SATB2: variants seen among roughly 807,000 people sequenced by gnomAD.
SATB2 encodes the protein DNA-binding protein SATB2.
A neutral mutation model predicts 73.4 loss-of-function variants in SATB2; 1 was observed. The observed-to-expected ratio is 0.01, with a 90% confidence interval of 0.00 to 0.06. SATB2 has a LOEUF of 0.06. Ranked by LOEUF, SATB2 falls within the 10% of genes least tolerant of loss-of-function variation. The pLI, the probability that SATB2 is intolerant of heterozygous loss-of-function variation, is 1.00. For synonymous variants in SATB2, 397 were observed against 367.0 expected, an observed-to-expected ratio of 1.08 and a Z score of -0.93; for missense variants, 459 against 945.8, an observed-to-expected ratio of 0.49 and a Z score of 6.75.
At chr2:199,303,010 C>T (rs1687330480) in intron 10 of SATB2, among the ~76,000 whole-genome samples, 1 of 152,168 alleles carries the variant, frequency 6.6e-6, no homozygotes, top group East Asian at 1.9e-4. Context: ...ACTCCCAGAA[C>T]TAGATCTGCT....
intron 10 of SATB2, among the ~76,000 whole-genome samples, chr2:199,303,850 TG>T (rs1474241368): frequency 1.3e-5 from 2 of 152,168 alleles, no homozygotes; most frequent in Non-Finnish European, 2.9e-5. Context: ...TCTTATTCAA[TG>T]TACGGCATGG....
At position 199,283,139 on chromosome 2, in the gene SATB2, A is replaced by G. The variant is rs1196026863; in HGVS notation, c.1741-10467T>C. Among the ~76,000 whole-genome samples, 6 of 149,738 alleles carry G rather than the reference A, an allele frequency of 4.0e-5. No homozygotes were observed. The East Asian group carries it at 1.2e-3, about 30-fold the overall frequency. On this transcript the variant is annotated intron_variant, in intron 10 of 10. Transcript: ENST00000417098. ...CACTCTGTCGCCCAGGCTGGAGTGC[A>G]ATGGTGCGATCTCGGCTCACTGCAA...
At chr2:199,312,146 T>C (rs954406929) in intron 9 of SATB2, among the ~76,000 whole-genome samples, 1 of 152,176 alleles carries the variant, frequency 6.6e-6, no homozygotes, top group African/African-American at 2.4e-5. Context: ...AACTCATGAA[T>C]TATTAATAAA....
intron 7 of SATB2, among the ~76,000 whole-genome samples, chr2:199,343,264 T>C (rs1295506247): frequency 6.6e-6 from 1 of 151,914 alleles, no homozygotes; most frequent in African/African-American, 2.4e-5. Flanking sequence ...GAACACAAAA[T>C]ATAAGGTGAC....
At chr2:199,391,583 T>TG (rs1336839266) in intron 3 of SATB2, among the ~76,000 whole-genome samples, 1 of 152,216 alleles carries the variant, frequency 6.6e-6, no homozygotes, top group African/African-American at 2.4e-5. Context: ...AAAGATATTC[T>TG]GACAGTTCCT....
intron 7 of SATB2, chr2:199,347,596 C>T (rs1275421884): frequency 6.6e-6 from 1 of 152,158 alleles, no homozygotes; most frequent in Non-Finnish European, 1.5e-5. Flanking sequence ...TAGCTTCCTG[C>T]CTTGCATTTA....
At chr2:199,410,419 A>G (rs1204359465) in intron 3 of SATB2, among the ~76,000 whole-genome samples, 1 of 152,194 alleles carries the variant, frequency 6.6e-6, no homozygotes, top group Admixed American at 6.5e-5. Context: ...AGTTAAACTG[A>G]TATTACTGAT....
chr2:199,388,847 G>C (rs902550661), intron 3 of SATB2, among the ~76,000 whole-genome samples: 3 of 152,032 alleles, frequency 2.0e-5, no homozygotes, highest in Non-Finnish European at 4.4e-5. Flanking sequence ...CTGCTGATGA[G>C]GCTCCTTGTA....
At chr2:199,391,453 C>T (rs908765824) in intron 3 of SATB2, among the ~76,000 whole-genome samples, 1 of 125,642 alleles carries the variant, frequency 8.0e-6, no homozygotes, top group Non-Finnish European at 1.7e-5. Flanking sequence ...AAAAAAAAAA[C>T]AAAAAACAAA....
intron 7 of SATB2, among the ~76,000 whole-genome samples, chr2:199,344,255 AAC>A (rs146892920): frequency 6.7e-5 from 10 of 150,288 alleles, no homozygotes; most frequent in East Asian, 1.9e-4. Context: ...ACACACACAC[AAC>A]ACACACACAC....
intron 5 of SATB2, among the ~76,000 whole-genome samples, chr2:199,377,416 G>C (rs1472279768): frequency 6.6e-6 from 1 of 151,906 alleles, no homozygotes; most frequent in African/African-American, 2.4e-5. Flanking sequence ...CAACAAAACA[G>C]GTATATGGAC....
At chr2:199,338,638 C>T (rs1167180162) in intron 7 of SATB2, among the ~76,000 whole-genome samples, 2 of 152,088 alleles carry the variant, frequency 1.3e-5, no homozygotes, top group African/African-American at 2.4e-5. Context: ...AAAAGATAGG[C>T]TGGGAGTGAT....
intron 9 of SATB2, among the ~76,000 whole-genome samples, chr2:199,311,908 C>T (rs1687606621): frequency 6.6e-6 from 1 of 152,124 alleles, no homozygotes; most frequent in Admixed American, 6.5e-5. Flanking sequence ...GAAAGTGCCA[C>T]GCAGTTGCAT....
chr2:199,331,996 C>T (rs1688203653), intron 7 of SATB2, among the ~76,000 whole-genome samples: 1 of 151,980 alleles, frequency 6.6e-6, no homozygotes, highest in African/African-American at 2.4e-5. Context: ...CATTATGCAG[C>T]CTGGGATACA....
At chr2:199,424,391 CTCT>C (rs1475104600) in intron 3 of SATB2, among the ~76,000 whole-genome samples, 1 of 152,198 alleles carries the variant, frequency 6.6e-6, no homozygotes, top group Admixed American at 6.5e-5. Context: ...CACCACCGAG[CTCT>C]TCTTCTGTCA....
chr2:199,369,863 G>A (rs1298609826), intron 5 of SATB2, among the ~76,000 whole-genome samples: 2 of 152,126 alleles, frequency 1.3e-5, no homozygotes, highest in Admixed American at 6.6e-5. Flanking sequence ...TGCAGTACTG[G>A]TAGGGGAGGG....
At chr2:199,466,573 C>T (rs903856102), upstream of SATB2, among the ~76,000 whole-genome samples, 3 of 152,122 alleles carry the variant, frequency 2.0e-5, no homozygotes, top group Admixed American at 6.6e-5. Flanking sequence ...AAGTGCAGGG[C>T]CAAGTAGAGT....
intron 3 of SATB2, among the ~76,000 whole-genome samples, chr2:199,385,924 G>A (rs993980113): frequency 6.6e-6 from 1 of 152,016 alleles, no homozygotes; most frequent in Admixed American, 6.6e-5. Flanking sequence ...TGTAAAATGG[G>A]GATACGAACA....
At chr2:199,338,944 A>C (rs1298862535) in intron 7 of SATB2, among the ~76,000 whole-genome samples, 1 of 151,828 alleles carries the variant, frequency 6.6e-6, no homozygotes, top group East Asian at 1.9e-4. Flanking sequence ...AAAGAAAGAA[A>C]GAACAAGACA....
Sources: allele counts gnomAD v4.1 joint callset (sites outside exome capture counted in the v4.1 genomes callset), GRCh38; gene constraint gnomAD v4.1.1; transcripts MANE v1.5; gene names NCBI Gene and HGNC (gene_info 2026-07-23, HGNC 2026-07-21).